Variants in CACNA1E observed in about 807,000 individuals in gnomAD.
CACNA1E encodes the protein calcium voltage-gated channel subunit alpha1 E, also known as voltage-dependent R-type calcium channel subunit alpha-1E.
Under a neutral mutation model 259.2 loss-of-function variants are expected in CACNA1E, and 40 were observed. That is an observed-to-expected ratio of 0.15 (90% confidence interval 0.12 to 0.20). The LOEUF (loss-of-function observed/expected upper bound fraction) is 0.20, where lower values mean the gene tolerates loss of function less well. Among genes scored for constraint, CACNA1E ranks in the 10% least tolerant of loss-of-function variants. CACNA1E has a pLI of 1.00. For missense variants in CACNA1E, 1,874 were observed against 3,040.1 expected (o/e 0.62, Z 9.02); for synonymous variants, 1,104 against 1,138.5 (o/e 0.97, Z 0.61).
chr1:181,674,685 C>A (rs1649193683), intron 7 of CACNA1E, among the ~76,000 whole-genome samples: 1 of 152,118 alleles, frequency 6.6e-6, no homozygotes, highest in African/African-American at 2.4e-5. Flanking sequence ...GGGGTGTGGG[C>A]TCTCAGGGGG....
At chr1:181,554,109 C>G (rs1461477795) in intron 3 of CACNA1E, among the ~76,000 whole-genome samples, 1 of 152,054 alleles carries the variant, frequency 6.6e-6, no homozygotes, top group Non-Finnish European at 1.5e-5. Flanking sequence ...CTCCTGGACT[C>G]CAGGGATCCA....
upstream of CACNA1E, among the ~76,000 whole-genome samples, chr1:181,480,507 C>A (rs751061676): frequency 6.6e-6 from 1 of 152,130 alleles, no homozygotes; most frequent in Non-Finnish European, 1.5e-5. Context: ...ATGTAGTATC[C>A]CATCTTGAGT....
chr1:181,576,431 T>A (rs760846627), intron 3 of CACNA1E, among the ~76,000 whole-genome samples: 2 of 152,222 alleles, frequency 1.3e-5, no homozygotes. Flanking sequence ...TGTCCTGGTC[T>A]GTATGATTTG....
At chr1:181,554,812 C>T (rs1165556823) in intron 3 of CACNA1E, among the ~76,000 whole-genome samples, 1 of 152,174 alleles carries the variant, frequency 6.6e-6, no homozygotes, top group African/African-American at 2.4e-5. Flanking sequence ...CTGTTTTTAT[C>T]CCCAGTTTCT....
intron 6 of CACNA1E, among the ~76,000 whole-genome samples, chr1:181,609,738 G>A (rs1030585559): frequency 1.3e-5 from 2 of 152,190 alleles, no homozygotes; most frequent in African/African-American, 4.8e-5. Flanking sequence ...CACAGCAGTT[G>A]TGTGAGCTAG....
intron 7 of CACNA1E, among the ~76,000 whole-genome samples, chr1:181,669,514 A>G (rs1011300068): frequency 6.6e-6 from 1 of 152,172 alleles, no homozygotes; most frequent in Non-Finnish European, 1.5e-5. Flanking sequence ...ATTGCACTAT[A>G]TATACTCCTC....
intron 3 of CACNA1E, among the ~76,000 whole-genome samples, chr1:181,557,069 G>T (rs941044740): frequency 1.3e-5 from 2 of 152,142 alleles, no homozygotes; most frequent in African/African-American, 4.8e-5. Flanking sequence ...TTTGGTGGGA[G>T]CTGGGGGAGT....
At chr1:181,473,933 C>T (rs1264606004) in intron 2 of CACNA1E, among the ~76,000 whole-genome samples, 1 of 152,194 alleles carries the variant, frequency 6.6e-6, no homozygotes, top group Non-Finnish European at 1.5e-5. Context: ...GCACTTGCCA[C>T]ATGGGCTTAT....
At chr1:181,561,613 C>G (rs772113308) in intron 3 of CACNA1E, among the ~76,000 whole-genome samples, 5 of 152,148 alleles carry the variant, frequency 3.3e-5, no homozygotes, top group Non-Finnish European at 7.4e-5. Flanking sequence ...CTGCATATAT[C>G]TGTAGTTCAT....
chr1:181,603,626 C>G (rs1653952806), intron 6 of CACNA1E, among the ~76,000 whole-genome samples: 2 of 151,802 alleles, frequency 1.3e-5, no homozygotes, highest in Admixed American at 1.3e-4. Flanking sequence ...TTTTTTTTCC[C>G]CATAGGAGAG....
chr1:181,651,509 C>A, intron 7 of CACNA1E, 68 bp downstream of exon 7: 2 of 1,079,718 alleles, frequency 1.9e-6, no homozygotes, highest in Non-Finnish European at 2.8e-6. Context: ...TGCCTCCTGA[C>A]TCATGGCAGA....
chr1:181,654,963 C>T (rs188118408), intron 7 of CACNA1E, among the ~76,000 whole-genome samples: 1,868 of 128,700 alleles, frequency 0.015, 21 homozygotes, highest in Non-Finnish European at 0.02. Flanking sequence ...CCAGCCTGGG[C>T]GACAGCGAGA....
chr1:181,720,107 G>A (rs1654286027), intron 13 of CACNA1E, 99 bp from the exon 14 acceptor site: 3 of 1,367,396 alleles, frequency 2.2e-6, no homozygotes, highest in Admixed American at 1.9e-5. Context: ...ATATACAAAT[G>A]CAGCTTATTT....
intron 3 of CACNA1E, among the ~76,000 whole-genome samples, chr1:181,551,573 C>T (rs1269987217): frequency 1.3e-5 from 2 of 152,238 alleles, no homozygotes; most frequent in African/African-American, 2.4e-5. Context: ...TTTTGGCAGG[C>T]GCTCATGGGA....
intron 3 of CACNA1E, among the ~76,000 whole-genome samples, chr1:181,543,888 T>C (rs1252292097): frequency 1.3e-5 from 2 of 152,236 alleles, no homozygotes; most frequent in Admixed American, 6.5e-5. Flanking sequence ...CACATTGCTG[T>C]TGAGAATGTG....
intron 7 of CACNA1E, among the ~76,000 whole-genome samples, chr1:181,695,235 G>GA (rs1651580612): frequency 6.6e-6 from 1 of 152,084 alleles, no homozygotes; most frequent in African/African-American, 2.4e-5. Context: ...TTAGTCTTTT[G>GA]AAAAATGGAG....
intron 3 of CACNA1E, among the ~76,000 whole-genome samples, chr1:181,512,434 T>C (rs1419016147): frequency 1.3e-5 from 2 of 151,514 alleles, no homozygotes; most frequent in Non-Finnish European, 2.9e-5. Context: ...AAGAAGAGAG[T>C]GACTTAGAAT....
intron 7 of CACNA1E, among the ~76,000 whole-genome samples, chr1:181,690,181 G>C (rs1651004237): frequency 6.6e-6 from 1 of 152,094 alleles, no homozygotes; most frequent in African/African-American, 2.4e-5. Flanking sequence ...TCCAGTTTCA[G>C]TTTTCTGCAT....
intron 37 of CACNA1E, among the ~76,000 whole-genome samples, chr1:181,773,431 A>G (rs912168012): frequency 6.6e-6 from 1 of 152,246 alleles, no homozygotes; most frequent in Non-Finnish European, 1.5e-5. Context: ...GAACTGATCC[A>G]TGTGTTTTAA....
Sources: gnomAD v4.1 joint callset for allele counts (sites outside exome capture counted in the v4.1 genomes callset) on GRCh38, gnomAD v4.1.1 for gene constraint, MANE v1.5 for transcripts, NCBI Gene and HGNC (gene_info 2026-07-23, HGNC 2026-07-21) for gene names.